Variants in PTPRD observed in about 807,000 individuals in gnomAD.
PTPRD encodes the protein receptor-type tyrosine-protein phosphatase delta.
Under a neutral mutation model 214.5 loss-of-function variants are expected in PTPRD, and 34 were observed. That is an observed-to-expected ratio of 0.16 (90% confidence interval 0.12 to 0.21). The LOEUF (loss-of-function observed/expected upper bound fraction) is 0.21, where lower values mean the gene tolerates loss of function less well. Among genes scored for constraint, PTPRD ranks in the 10% least tolerant of loss-of-function variants. The pLI is 1.00. For synonymous variants in PTPRD, 1,128 were observed against 845.7 expected (o/e 1.33, Z -5.79); for missense variants, 2,545 against 2,398.7 (o/e 1.06, Z -1.27).
intron 2 of PTPRD, among the ~76,000 whole-genome samples, chr9:10,465,328 G>T (rs530627886): frequency 4.0e-5 from 6 of 151,892 alleles, no homozygotes; most frequent in Non-Finnish European, 8.8e-5. Flanking sequence ...ACTCCCCTGC[G>T]CAAAAAAGGA....
At chr9:8,875,151 A>G (rs543192416) in intron 11 of PTPRD, among the ~76,000 whole-genome samples, 79 of 152,314 alleles carry the variant, frequency 5.2e-4, no homozygotes, top group South Asian at 4.6e-3. Context: ...ACTGACAATC[A>G]CTGATGTGTT....
At chr9:9,505,064 C>T (rs768080779) in intron 8 of PTPRD, among the ~76,000 whole-genome samples, 1 of 151,502 alleles carries the variant, frequency 6.6e-6, no homozygotes, top group Non-Finnish European at 1.5e-5. Flanking sequence ...AACCTTGCTC[C>T]CTCACTCAGG....
intron 3 of PTPRD, among the ~76,000 whole-genome samples, chr9:10,202,481 G>GA (rs58186376): frequency 0.24 from 34,251 of 142,834 alleles, 4,721 homozygotes; most frequent in African/African-American, 0.39. Flanking sequence ...TAAATAAAAT[G>GA]AAAAAAAAAA....
chr9:9,182,222 CT>C (rs1247051390), intron 10 of PTPRD, among the ~76,000 whole-genome samples: 1 of 151,974 alleles, frequency 6.6e-6, no homozygotes, highest in East Asian at 1.9e-4. Flanking sequence ...TTCAGTGGTA[CT>C]GTGATTTCTG....
intron 5 of PTPRD, among the ~76,000 whole-genome samples, chr9:9,792,981 G>A (rs16930336): frequency 6.6e-6 from 1 of 152,018 alleles, no homozygotes; most frequent in Non-Finnish European, 1.5e-5. Flanking sequence ...ACACCTCTGA[G>A]AGCATATACC....
chr9:10,355,576 T>C (rs2154461757), intron 2 of PTPRD, among the ~76,000 whole-genome samples: 1 of 151,942 alleles, frequency 6.6e-6, no homozygotes, highest in South Asian at 2.1e-4. Context: ...CCTCCTGGGT[T>C]CAAGCGATTC....
intron 11 of PTPRD, among the ~76,000 whole-genome samples, chr9:8,780,894 G>C (rs527629762): frequency 4.9e-4 from 75 of 152,310 alleles, no homozygotes; most frequent in Non-Finnish European, 8.4e-4. Context: ...AGTATCTCCA[G>C]TGCTTCCTTC....
At chr9:9,800,683 C>T (rs1030578782) in intron 5 of PTPRD, 7 of 152,114 alleles carry the variant, frequency 4.6e-5, no homozygotes, top group Admixed American at 1.3e-4. Context: ...TGGTAAGTAC[C>T]TGATAAATGT....
intron 9 of PTPRD, among the ~76,000 whole-genome samples, chr9:9,254,136 C>T (rs1472633292): frequency 6.6e-6 from 1 of 152,070 alleles, no homozygotes; most frequent in African/African-American, 2.4e-5. Context: ...TAAGCAAAGA[C>T]TTTTTCCCAA....
intron 39 of PTPRD, among the ~76,000 whole-genome samples, chr9:8,348,756 T>C (rs191752347): frequency 1.8e-4 from 28 of 152,348 alleles, no homozygotes; most frequent in African/African-American, 6.7e-4. Flanking sequence ...TTTGTGACGC[T>C]GGACCTTCTA....
chr9:10,390,230 C>A (rs2098029271), intron 2 of PTPRD, among the ~76,000 whole-genome samples: 2 of 151,792 alleles, frequency 1.3e-5, no homozygotes, highest in South Asian at 2.1e-4. Flanking sequence ...TTCAAAATAG[C>A]TAAAAGACAA....
At chr9:9,933,096 A>G (rs529898722) in intron 5 of PTPRD, among the ~76,000 whole-genome samples, 17 of 152,192 alleles carry the variant, frequency 1.1e-4, no homozygotes, top group South Asian at 1.0e-3. Context: ...ATGGAAAGGA[A>G]CAACTGGTAC....
intron 9 of PTPRD, among the ~76,000 whole-genome samples, chr9:9,384,649 G>A (rs1024834985): frequency 2.6e-5 from 4 of 151,820 alleles, no homozygotes; most frequent in Admixed American, 6.6e-5. Flanking sequence ...TACCCTGGTT[G>A]TTAATGTTTC....
intron 8 of PTPRD, among the ~76,000 whole-genome samples, chr9:9,562,031 A>T (rs1199695113): frequency 6.6e-6 from 1 of 152,200 alleles, no homozygotes; most frequent in Non-Finnish European, 1.5e-5. Context: ...CCATATGACT[A>T]CTTGATACCC....
intron 2 of PTPRD, among the ~76,000 whole-genome samples, chr9:10,516,925 G>A (rs2050321804): frequency 6.6e-6 from 1 of 151,678 alleles, no homozygotes; most frequent in South Asian, 2.1e-4. Context: ...CTATTTCATT[G>A]GCCTATATGT....
At chr9:10,060,906 TTC>T (rs1349044359) in intron 3 of PTPRD, among the ~76,000 whole-genome samples, 2 of 67,720 alleles carry the variant, frequency 3.0e-5, no homozygotes, top group African/African-American at 1.2e-4. Context: ...CCTTCTTTCT[TTC>T]TTTCTTTCTT....
At chr9:9,623,669 T>C (rs2095323093) in intron 7 of PTPRD, among the ~76,000 whole-genome samples, 1 of 152,236 alleles carries the variant, frequency 6.6e-6, no homozygotes, top group Non-Finnish European at 1.5e-5. Context: ...ATGGCCAGCC[T>C]GCTGCCATCT....
At chr9:10,026,898 A>G (rs1158940297) in intron 4 of PTPRD, among the ~76,000 whole-genome samples, 4 of 152,208 alleles carry the variant, frequency 2.6e-5, no homozygotes, top group Non-Finnish European at 2.9e-5. Context: ...AGAAGGATAT[A>G]AAATTGCAAC....
intron 9 of PTPRD, among the ~76,000 whole-genome samples, chr9:9,374,059 GA>G (rs1376613263): frequency 1.3e-5 from 2 of 151,592 alleles, no homozygotes; most frequent in East Asian, 1.9e-4. Context: ...AATAAATTAA[GA>G]AAAATGGTAC....
Sources: allele counts gnomAD v4.1 joint callset (sites outside exome capture counted in the v4.1 genomes callset), GRCh38; gene constraint gnomAD v4.1.1; transcripts MANE v1.5; gene names NCBI Gene and HGNC (gene_info 2026-07-23, HGNC 2026-07-21).